The following NCOA2 variants were observed in gnomAD, a reference collection of about 807,000 sequenced individuals.
NCOA2 encodes the protein class E basic helix-loop-helix protein 75.
In NCOA2, 21 loss-of-function variants were observed where a neutral mutation model predicts 145.1. The ratio of observed to expected loss-of-function variants is 0.14; its 90% CI spans 0.10 to 0.21. The LOEUF (loss-of-function observed/expected upper bound fraction) is 0.21. Among genes scored for constraint, NCOA2 ranks in the 10% least tolerant of loss-of-function variants. NCOA2 has a pLI of 1.00. For missense variants in NCOA2, 1,472 were observed against 1,837.6 expected (o/e 0.80, Z 3.64); for synonymous variants, 619 against 637.5 (o/e 0.97, Z 0.44).
At position 70,216,653 on chromosome 8, in the gene NCOA2, A is replaced by C. The variant is rs751738147; in HGVS notation, c.86+7T>G. On this transcript the variant is annotated splice_region_variant and intron_variant, in intron 3 of 22. Coordinates refer to ENST00000452400, the MANE Select transcript of NCOA2 (RefSeq NM_006540.4). ...ATACTGATTCCTTTTCTCAGCAAGAATCTAACCTGGGTCCAAGTTGGTCAG... is the reference window on the plus strand; with the variant it reads ...ATACTGATTCCTTTTCTCAGCAAGACTCTAACCTGGGTCCAAGTTGGTCAG... 3.1e-6 allele frequency: 5 copies of C among 1,605,126 alleles called. No individual in the cohort carries two copies. The highest frequency in any genetic ancestry group is 1.1e-5 in the South Asian group (1 of 90,900).
intron 4 of NCOA2, among the ~76,000 whole-genome samples, chr8:70,181,534 A>G (rs1001455149): frequency 7.2e-5 from 11 of 152,346 alleles, no homozygotes; most frequent in Admixed American, 4.6e-4. Context: ...TGTAAAGACA[A>G]TTAAGAATTT....
the NCOA2 span, among the ~76,000 whole-genome samples, chr8:70,416,874 G>C: frequency 5.3e-5 from 8 of 152,182 alleles, no homozygotes; most frequent in Non-Finnish European, 8.8e-5. Context: ...TGGGGATTAA[G>C]TTTCTAACAC....
intron 7 of NCOA2, among the ~76,000 whole-genome samples, chr8:70,165,536 G>A (rs1390380563): frequency 1.3e-5 from 2 of 152,078 alleles, no homozygotes; most frequent in Admixed American, 6.5e-5. Context: ...TGCTCCCCAC[G>A]CACAATGCAC....
At chr8:70,451,626 T>A in the NCOA2 span, among the ~76,000 whole-genome samples, 2 of 152,148 alleles carry the variant, frequency 1.3e-5, no homozygotes, top group Non-Finnish European at 2.9e-5. Flanking sequence ...CATATAGCAC[T>A]GCAGCTAATG....
the NCOA2 span, among the ~76,000 whole-genome samples, chr8:70,453,967 A>G: frequency 6.6e-6 from 1 of 152,238 alleles, no homozygotes. Context: ...TGTGAGATGA[A>G]AAAGATTGAG....
At chr8:70,128,622 C>G in intron 17 of NCOA2, 80 bp downstream of exon 17, 2 of 1,593,240 alleles carry the variant, frequency 1.3e-6, no homozygotes, top group Non-Finnish European at 1.7e-6. Flanking sequence ...CATTGTTGGA[C>G]AGCTGTGCTG....
intron 9 of NCOA2, among the ~76,000 whole-genome samples, chr8:70,161,222 T>A (rs1301746460): frequency 6.6e-6 from 1 of 152,230 alleles, no homozygotes; most frequent in Non-Finnish European, 1.5e-5. Flanking sequence ...TCTAGTGCAG[T>A]GCCTGATCCA....
At chr8:70,264,549 A>T (rs192432742) in intron 2 of NCOA2, among the ~76,000 whole-genome samples, 137 of 152,350 alleles carry the variant, frequency 9.0e-4, no homozygotes, top group Admixed American at 4.6e-3. Context: ...TATATACTTC[A>T]GGCTCCAATG....
chr8:70,388,876 G>C (rs1191702971), intron 1 of NCOA2, among the ~76,000 whole-genome samples: 2 of 152,140 alleles, frequency 1.3e-5, no homozygotes, highest in Non-Finnish European at 2.9e-5. Flanking sequence ...TTACTTAGTG[G>C]AGAGAGACAG....
the NCOA2 span, among the ~76,000 whole-genome samples, chr8:70,432,611 T>A: frequency 2.6e-5 from 4 of 152,122 alleles, no homozygotes; most frequent in Non-Finnish European, 5.9e-5. Flanking sequence ...TTCAGTGAGC[T>A]AGGATTGCAC....
At chr8:70,441,812 GAAAGAAGAAAGAAGAAAGAAAGA>G in the NCOA2 span, among the ~76,000 whole-genome samples, 1 of 140,154 alleles carries the variant, frequency 7.1e-6, no homozygotes, top group East Asian at 2.0e-4. Flanking sequence ...AAGAAAGAAA[GAAAGAAGAAAGAAGAAAGAAAGA>G]AAGAAAGACA....
At chr8:70,340,846 G>A (rs553424052) in intron 1 of NCOA2, among the ~76,000 whole-genome samples, 10 of 152,134 alleles carry the variant, frequency 6.6e-5, no homozygotes, top group East Asian at 1.9e-4. Flanking sequence ...AACAAACACC[G>A]CATGTTTTTA....
chr8:70,285,010 T>TA (rs1484828212), intron 2 of NCOA2, among the ~76,000 whole-genome samples: 1 of 152,196 alleles, frequency 6.6e-6, no homozygotes, highest in Non-Finnish European at 1.5e-5. Flanking sequence ...AGGTAGGCTT[T>TA]ACATTATATG....
intron 1 of NCOA2, among the ~76,000 whole-genome samples, chr8:70,370,289 T>C (rs1237872809): frequency 6.6e-6 from 1 of 152,220 alleles, no homozygotes; most frequent in Admixed American, 6.5e-5. Flanking sequence ...CTTCCTTTCA[T>C]GGAGCTCTCT....
intron 4 of NCOA2, among the ~76,000 whole-genome samples, chr8:70,176,828 C>T (rs1814906485): frequency 1.3e-5 from 2 of 152,296 alleles, no homozygotes; most frequent in South Asian, 4.1e-4. Context: ...TCCATCCACA[C>T]CACACTCTGT....
At chr8:70,138,422 G>T in intron 14 of NCOA2, 90 bp from the exon 15 acceptor site, 1 of 1,247,884 alleles carries the variant, frequency 8.0e-7, no homozygotes, top group Non-Finnish European at 1.1e-6. Flanking sequence ...TCTGGTTTAT[G>T]AAAAAGGGAA....
In NCOA2 at chr8:70,155,954, G is replaced by C. The variant is rs1585871602; in HGVS notation, c.2394+17C>G. The C allele has an allele frequency of 6.5e-7, 1 of 1,540,470 alleles. No homozygotes were observed. On this transcript the variant is annotated intron_variant, in intron 11 of 22. Transcript: ENST00000452400. Reference sequence around the variant, plus strand: ...ATACAGATTAGTACACCTGCGAGAAGATGTGATAAAACTTACCTGGTCACC... The same window carrying C: ...ATACAGATTAGTACACCTGCGAGAACATGTGATAAAACTTACCTGGTCACC...
intron 2 of NCOA2, among the ~76,000 whole-genome samples, chr8:70,253,787 G>C (rs528124449): frequency 2.6e-5 from 4 of 152,202 alleles, no homozygotes; most frequent in African/African-American, 9.6e-5. Flanking sequence ...GAGAGAAAAA[G>C]TTAAACAATA....
intron 2 of NCOA2, among the ~76,000 whole-genome samples, chr8:70,263,245 G>C (rs1359639171): frequency 6.7e-6 from 1 of 148,544 alleles, no homozygotes; most frequent in African/African-American, 2.5e-5. Flanking sequence ...GTGGAGATGA[G>C]GGACAAAGGG....
Sources: allele counts gnomAD v4.1 joint callset (sites outside exome capture counted in the v4.1 genomes callset), GRCh38; gene constraint gnomAD v4.1.1; transcripts MANE v1.5; gene names NCBI Gene and HGNC (gene_info 2026-07-23, HGNC 2026-07-21).